Variants in MAP3K13 observed in about 807,000 individuals in gnomAD.
The protein encoded by MAP3K13 is mitogen-activated protein kinase kinase kinase 13.
A neutral mutation model predicts 104.0 loss-of-function variants in MAP3K13; 52 were observed. The observed-to-expected ratio is 0.50, with a 90% CI of 0.40 to 0.63. The LOEUF (loss-of-function observed/expected upper bound fraction) is 0.63, where lower values mean the gene tolerates loss of function less well. Among genes scored for constraint, MAP3K13 ranks in the 20% least tolerant of loss-of-function variants. The pLI is 0.00. For synonymous variants in MAP3K13, 394 were observed against 442.2 expected (o/e 0.89, Z 1.37); for missense variants, 914 against 1,218.5 (o/e 0.75, Z 3.72).
At chr3:185,417,615 A>G in intron 1 of MAP3K13, 1 of 1,611,674 alleles carries the variant, frequency 6.2e-7, no homozygotes, top group Non-Finnish European at 8.5e-7. Flanking sequence ...GCTTCTTAAC[A>G]CCAACAGCAG....
At chr3:185,455,593 GAGATATATATATC>G (rs1716567914) in intron 7 of MAP3K13, among the ~76,000 whole-genome samples, 1 of 35,442 alleles carries the variant, frequency 2.8e-5, no homozygotes, top group African/African-American at 8.3e-5. Flanking sequence ...TGATATATAT[GAGATATATATATC>G]ATATATATGA....
chr3:185,304,173 A>T (rs1304689976), intron 2 of MAP3K13, among the ~76,000 whole-genome samples: 1 of 152,198 alleles, frequency 6.6e-6, no homozygotes, highest in Non-Finnish European at 1.5e-5. Flanking sequence ...TTGTGATTGG[A>T]AAAGATGCTT....
In MAP3K13 at chr3:185,303,231, T is replaced by C. The variant is rs555325953; in HGVS notation, c.-86+17588T>C. On this transcript the variant is annotated intron_variant, in intron 2 of 14. Coordinates refer to the MAP3K13 transcript ENST00000424227. ...CTTTAATATGCTGTTGAATTCTGTT[T>C]GCTAATATTTTGTTCAGGATTTTTA... is the stretch of plus-strand genomic sequence containing the variant. Among the ~76,000 whole-genome samples, 3 of 152,346 alleles carry C rather than the reference T, an allele frequency of 2.0e-5. No homozygotes were observed. In the South Asian group the frequency reaches 6.2e-4, roughly 32 times the overall value.
At chr3:185,391,892 T>G (rs1712074051) in intron 1 of MAP3K13, among the ~76,000 whole-genome samples, 1 of 152,176 alleles carries the variant, frequency 6.6e-6, no homozygotes, top group Non-Finnish European at 1.5e-5. Flanking sequence ...GTACATTCTA[T>G]TTAAGTATAA....
chr3:185,442,056 A>C (rs1174264480), intron 3 of MAP3K13, among the ~76,000 whole-genome samples: 1 of 150,764 alleles, frequency 6.6e-6, no homozygotes, highest in Non-Finnish European at 1.5e-5. Context: ...AAAAAAAAAA[A>C]TTAGCCTGGC....
intron 2 of MAP3K13, among the ~76,000 whole-genome samples, chr3:185,338,058 G>C (rs958299327): frequency 6.6e-6 from 1 of 152,144 alleles, no homozygotes; most frequent in Non-Finnish European, 1.5e-5. Flanking sequence ...GCCAGTCGCA[G>C]CGGCTCACAC....
At chr3:185,437,259 TG>T (rs1715093352) in intron 2 of MAP3K13, among the ~76,000 whole-genome samples, 187 bp from the exon 3 acceptor site, 1 of 152,062 alleles carries the variant, frequency 6.6e-6, no homozygotes, top group Non-Finnish European at 1.5e-5. Context: ...ATTTAAAAAT[TG>T]ATACAAACTA....
chr3:185,455,543 A>AGATATATATGACATATATAT (rs1491361772), intron 7 of MAP3K13, among the ~76,000 whole-genome samples: 1 of 7,466 alleles, frequency 1.3e-4, no homozygotes, highest in Non-Finnish European at 2.0e-4. Context: ...GATATATATG[A>AGATATATATGACATATATAT]CATATATATG....
At chr3:185,454,566 ATATATAT>A (rs1299122916) in intron 7 of MAP3K13, among the ~76,000 whole-genome samples, 1 of 117,520 alleles carries the variant, frequency 8.5e-6, no homozygotes, top group African/African-American at 3.5e-5. Context: ...CATATATATG[ATATATAT>A]GATATATATA....
At chr3:185,376,949 G>T (rs1724457648) in intron 1 of MAP3K13, among the ~76,000 whole-genome samples, 1 of 152,134 alleles carries the variant, frequency 6.6e-6, no homozygotes, top group Non-Finnish European at 1.5e-5. Flanking sequence ...GGGTGTCAGG[G>T]TCAGTCCAAG....
At chr3:185,426,314 T>A (rs572758944) in intron 1 of MAP3K13, among the ~76,000 whole-genome samples, 1 of 152,290 alleles carries the variant, frequency 6.6e-6, no homozygotes, top group South Asian at 2.1e-4. Flanking sequence ...ACTCCTGACC[T>A]CATGATCTGC....
intron 1 of MAP3K13, among the ~76,000 whole-genome samples, chr3:185,405,279 C>T (rs1383078874): frequency 6.6e-6 from 1 of 152,212 alleles, no homozygotes; most frequent in African/African-American, 2.4e-5. Flanking sequence ...TCAGAAACTA[C>T]ACATTTGCAC....
intron 2 of MAP3K13, among the ~76,000 whole-genome samples, chr3:185,286,958 A>C (rs1162533947): frequency 1.3e-5 from 2 of 152,150 alleles, no homozygotes; most frequent in Non-Finnish European, 2.9e-5. Context: ...GCCTTTTACT[A>C]TTCCCTTATG....
intron 1 of MAP3K13, among the ~76,000 whole-genome samples, chr3:185,409,441 T>G (rs978961415): frequency 6.6e-6 from 1 of 152,074 alleles, no homozygotes; most frequent in African/African-American, 2.4e-5. Flanking sequence ...CAATGAGATA[T>G]CATCTCACCC....
chr3:185,412,764 T>C (rs1371214172), intron 1 of MAP3K13, among the ~76,000 whole-genome samples: 2 of 152,220 alleles, frequency 1.3e-5, no homozygotes, highest in Non-Finnish European at 2.9e-5. Flanking sequence ...AAATTCGACA[T>C]TGGATCCAGA....
chr3:185,418,025 A>G lies in MAP3K13; in HGVS notation c.-85-10472A>G. On this transcript the variant is annotated intron_variant, in intron 1 of 13. Coordinates refer to ENST00000265026, the MANE Select transcript of MAP3K13 (RefSeq NM_004721.5). This position sits in a 1 kb window ranked among gnomAD's most constrained non-coding sequence, Gnocchi z 4.5. ...AACTTCCGGAAAGCACTTTCAGTCC[A>G]AATGCAGAAACGTCCCACATGCCCA... 1.2e-5 allele frequency: 19 copies of G among 1,611,942 alleles called. No individual in the cohort carries two copies. Among genetic ancestry groups the G allele is most frequent in the Non-Finnish European group, 1.6e-5 (19 of 1,179,688 alleles).
At chr3:185,352,790 C>T (rs543089847) in intron 2 of MAP3K13, among the ~76,000 whole-genome samples, 30 of 152,310 alleles carry the variant, frequency 2.0e-4, no homozygotes, top group African/African-American at 6.3e-4. Flanking sequence ...CCTATATTCT[C>T]CTGTATCTAC....
chr3:185,410,442 G>A lies in MAP3K13; in HGVS notation c.-85-18055G>A, dbSNP rs545919469. The stretch of plus-strand genomic sequence containing the variant: ...GCTATAGCGTCCCACAGCACTGTAG[G>A]ATGACTATCGTTAACAATAATATAT... On this transcript the variant is annotated intron_variant, in intron 1 of 13. Transcript: ENST00000265026. Among the ~76,000 whole-genome samples, 6 of 152,148 alleles carry A rather than the reference G, an allele frequency of 3.9e-5. No individual in the cohort carries two copies. In the South Asian group the frequency reaches 1.2e-3, roughly 32 times the overall value.
At chr3:185,372,972 G>T (rs766640143) in intron 1 of MAP3K13, among the ~76,000 whole-genome samples, 2 of 152,142 alleles carry the variant, frequency 1.3e-5, no homozygotes, top group Non-Finnish European at 2.9e-5. Context: ...AATATGAAAT[G>T]ATCATTTTGA....
Sources: allele counts gnomAD v4.1 joint callset (sites outside exome capture counted in the v4.1 genomes callset), GRCh38; gene constraint gnomAD v4.1.1; non-coding constraint Gnocchi (gnomAD v3.1); transcripts MANE v1.5; gene names NCBI Gene and HGNC (gene_info 2026-07-23, HGNC 2026-07-21).